DDX51: variants seen among roughly 807,000 people sequenced by gnomAD.
The protein encoded by DDX51 is ATP-dependent RNA helicase DDX51.
Under a neutral mutation model 74.6 loss-of-function variants are expected in DDX51, and 67 were observed. The observed-to-expected ratio is 0.90, with a 90% CI of 0.74 to 1.10. The LOEUF is 1.10. DDX51 is among the 50% of genes least tolerant of loss of function. The pLI, the probability that DDX51 is intolerant of heterozygous loss-of-function variation, is 0.00. For missense variants in DDX51, 1,056 were observed against 905.2 expected (o/e 1.17, Z -2.14); for synonymous variants, 545 against 402.9 (o/e 1.35, Z -4.22).
chr12:132,141,836 C>A lies in DDX51; in HGVS notation c.995+14G>T. ...AGGGACCCCCTGAAAAACCCGCACC[C>A]TGACACAACCTACGTTTTCTGGACG... On this transcript the variant is annotated intron_variant, in intron 6 of 14. Coordinates refer to ENST00000397333, the MANE Select transcript of DDX51 (RefSeq NM_175066.4). 1 of 1,612,356 alleles carries A rather than the reference C, an allele frequency of 6.2e-7. No homozygotes were observed. Among genetic ancestry groups the A allele is most frequent in the Non-Finnish European group, 8.5e-7 (1 of 1,179,812 alleles).
rs1321935647 is a variant in DDX51, at chr12:132,140,333, C to T, written c.1673+90G>A. ...GGCTGGGGCACAGGAAGCCAATTTG[C>T]AGAAGGAAGCACCTTTTAGAGAGCC... On this transcript the variant is annotated intron_variant, in intron 11 of 14. Coordinates refer to ENST00000397333, the MANE Select transcript of DDX51 (RefSeq NM_175066.4). 6 of 1,570,048 alleles carry T rather than the reference C, an allele frequency of 3.8e-6. No individual in the cohort carries two copies. In the Admixed American group the frequency reaches 5.1e-5, roughly 13 times the overall value.
chr12:132,139,119 G>A lies in DDX51; in HGVS notation c.*153C>T, dbSNP rs1435348865. ...GCAGGTGCTTGAGCTCTGACGCCCG[G>A]GCTGCCTGGCGCAGAGACCACGTGC... On this transcript the variant is annotated 3_prime_UTR_variant, in exon 15 of 15. Coordinates refer to ENST00000397333, the MANE Select transcript of DDX51 (RefSeq NM_175066.4). 1 of 1,189,548 alleles carries A rather than the reference G, an allele frequency of 8.4e-7. No individual in the cohort carries two copies. Among genetic ancestry groups the A allele is most frequent in the Admixed American group, 2.3e-5 (1 of 43,766 alleles). 73.7% of individuals were successfully genotyped at this position (1,189,548 alleles called of 1,614,324 possible).
In DDX51 at chr12:132,142,716, G is replaced by C; in HGVS notation, c.670+12C>G. On this transcript the variant is annotated intron_variant, in intron 3 of 14. Transcript: ENST00000397333. ...AGGTGTTCCCTCAGCTGCCTGCCCG[G>C]GGCTGGGGCACCTGGAAAGTAGGAC... 6.2e-7 allele frequency: 1 copy of C among 1,612,154 alleles called. No individual in the cohort carries two copies. Among genetic ancestry groups the C allele is most frequent in the Non-Finnish European group, 8.5e-7 (1 of 1,179,884 alleles).
chr12:132,142,412 A>G lies in DDX51; in HGVS notation c.681T>C (p.Ala227=), dbSNP rs1375628169. The part of the protein sequence containing the change: ...GISSYFPVQA[A]VIPALLESAA... ...CGCTCTCCAGGAGGGCAGGAATCAC[A>G]GCTGCCTGGACTGGATGAGGAAAGG... Residue 227 remains alanine (A), a synonymous_variant, in exon 4 of 15, where the codon GCT becomes GCC. Transcript: ENST00000397333. 1.2e-6 allele frequency: 2 copies of G among 1,612,072 alleles called. No individual in the cohort carries two copies. Among genetic ancestry groups the G allele is most frequent in the Non-Finnish European group, 1.7e-6 (2 of 1,179,982 alleles).
At chr12:132,142,635 G>A in intron 3 of DDX51, 93 bp downstream of exon 3, 2 of 1,546,650 alleles carry the variant, frequency 1.3e-6, no homozygotes, top group Non-Finnish European at 1.7e-6. Context: ...TGGCACCGAT[G>A]TGGCAGGGAC....
Position 132,141,894 on chromosome 12 carries a change from T to C in DDX51, c.951A>G (p.Gly317=). 1.2e-6 allele frequency: 2 copies of C among 1,613,198 alleles called. No individual in the cohort carries two copies. Among genetic ancestry groups the C allele is most frequent in the Non-Finnish European group, 1.7e-6 (2 of 1,180,006 alleles). Residue 317 remains glycine (G), a synonymous_variant, in exon 6 of 15, where the codon GGA becomes GGG. Transcript: ENST00000397333. ...ATPLRVSLVT[G]QKSLAKEQES... ...CCTGCTCCTTGGCCAGAGACTTCTG[T>C]CCCGTAACCAGGGAGACTCTCAGAG... is the stretch of plus-strand genomic sequence containing the variant.
chr12:132,140,370 C>T, intron 11 of DDX51, 53 bp downstream of exon 11: 1 of 1,598,952 alleles, frequency 6.3e-7, no homozygotes, highest in Non-Finnish European at 8.6e-7. Context: ...CAGGCTGACC[C>T]TGGAGTGGGC....
At position 132,141,861 on chromosome 12, in the gene DDX51, G is replaced by C; in HGVS notation, c.984C>G (p.Leu328=). 6.2e-7 allele frequency: 1 copy of C among 1,613,096 alleles called. No individual in the cohort carries two copies. Among genetic ancestry groups the C allele is most frequent in the Non-Finnish European group, 8.5e-7 (1 of 1,179,978 alleles). The change falls in exon 6 of 15, where the codon CTC becomes CTG. Residue 328 remains leucine (L), a synonymous_variant. Transcript: ENST00000397333. ...CTGACACAACCTACGTTTTCTGGAC[G>C]AGGCTCTCCTGCTCCTTGGCCAGAG... ...QKSLAKEQES[L]VQKTADGYRC...
In DDX51 at chr12:132,140,111, T is replaced by C; in HGVS notation, c.1762A>G (p.Thr588Ala). The C allele has an allele frequency of 6.2e-7, 1 of 1,612,636 alleles. No individual in the cohort carries two copies. The highest frequency in any genetic ancestry group is 8.5e-7 in the Non-Finnish European group (1 of 1,179,916). ...GCCAGCGCTCACCGGTGCACGTAGG[T>C]TCTCAGGTACTGGGGGGCGTCGTAG... ...VNYDAPQYLR[T>A]YVHRVGRTAR... Residue 588 changes from threonine to alanine, a missense_variant, in exon 12 of 15, where the codon ACC becomes GCC. By Grantham distance (58) the Thr-to-Ala change is moderately conservative (BLOSUM62 0). Coordinates refer to ENST00000397333, the MANE Select transcript of DDX51 (RefSeq NM_175066.4).
At position 132,143,783 on chromosome 12, in the gene DDX51, G is replaced by A. The variant is rs1897580091; in HGVS notation, c.431C>T (p.Ala144Val). 6.6e-7 allele frequency: 1 copy of A among 1,520,268 alleles called. No homozygotes were observed. Among genetic ancestry groups the A allele is most frequent in the African/African-American group, 1.4e-5 (1 of 70,532 alleles). The allele number at this position is 1,520,268 out of a possible 1,614,324, so 94.2% of individuals were successfully genotyped here. A position where few individuals can be genotyped will look rare whatever the true frequency, so the allele number is the denominator to read the frequency against. Residue 144 changes from alanine (A) to valine (V), a missense_variant, in exon 2 of 15, where the codon GCC (alanine) becomes GTC (valine). Ala to Val is a moderately conservative substitution (Grantham distance 64). Transcript: ENST00000397333. The part of the protein sequence containing the change: ...ERSTSASAEA[A>V]PDGPALEEAA... ...CTCCTCCAGGGCCGGTCCATCTGGG[G>A]CCGCCTCGGCGCTGGCGCTGGTGCT...
intron 14 of DDX51, 96 bp from the exon 15 acceptor site, chr12:132,139,394 G>A (rs539832313): frequency 3.2e-6 from 5 of 1,555,754 alleles, no homozygotes; most frequent in East Asian, 2.3e-5. Flanking sequence ...AGGACAGGAA[G>A]CCCTGTGCAT....
Position 132,140,885 on chromosome 12 carries a change from T to C in DDX51, c.1386A>G (p.Glu462=). The change falls in exon 9 of 15, where the codon GAA becomes GAG. Residue 462 remains glutamate (E), a synonymous_variant. Transcript: ENST00000397333. ...CCGAATCCCCGTCCCCATCTGTATC[T>C]TCCAGGCCCCTGTGTGCTAGCCCTG... ...FSTGLAHRGL[E]DTDGDGDSGK... is the part of the protein sequence containing the mutation. The C allele has an allele frequency of 1.2e-6, 2 of 1,613,512 alleles. No individual in the cohort carries two copies. Among genetic ancestry groups the C allele is most frequent in the Non-Finnish European group, 1.7e-6 (2 of 1,179,958 alleles).
At chr12:132,142,622 A>T in intron 3 of DDX51, 106 bp downstream of exon 3, 1 of 1,526,494 alleles carries the variant, frequency 6.6e-7, no homozygotes, top group Non-Finnish European at 8.8e-7. Flanking sequence ...CTGAGACCAC[A>T]CTTGGCACCG....
At position 132,139,312 on chromosome 12, in the gene DDX51, G is replaced by GGGA. The variant is rs1897359418; in HGVS notation, c.1975-17_1975-15dup. The GGGA allele has an allele frequency of 5.0e-6, 8 of 1,607,282 alleles. No homozygotes were observed. The highest frequency in any genetic ancestry group is 6.8e-6 in the Non-Finnish European group (8 of 1,177,954). On this transcript the variant is annotated splice_polypyrimidine_tract_variant and intron_variant, in intron 14 of 14. Coordinates refer to ENST00000397333, the MANE Select transcript of DDX51 (RefSeq NM_175066.4). ...CTTGCGCTCTTCCTGTGGAGGAAAG[G>GGGA]GGAGGGCTCAGCACCACACACTCTG... is the stretch of plus-strand genomic sequence containing the variant.
In DDX51 at chr12:132,139,248, C is replaced by T. The variant is rs1351610524; in HGVS notation, c.*24G>A. The T allele has an allele frequency of 3.7e-6, 6 of 1,606,044 alleles. No homozygotes were observed. The highest frequency in any genetic ancestry group is 1.1e-5 in the South Asian group (1 of 90,072). On this transcript the variant is annotated 3_prime_UTR_variant, in exon 15 of 15. Coordinates refer to ENST00000397333, the MANE Select transcript of DDX51 (RefSeq NM_175066.4). ...AGGGTCAGGGTGGTGAGCGTTCAGT[C>T]CCTCCGGCCCTCTGAGCCCCAGCCT... is the stretch of plus-strand genomic sequence containing the variant.
At chr12:132,139,994 T>C (rs1897383777) in intron 12 of DDX51, 70 bp from the exon 13 acceptor site, 1 of 1,609,290 alleles carries the variant, frequency 6.2e-7, no homozygotes, top group Non-Finnish European at 8.5e-7. Flanking sequence ...CGACAGCTTC[T>C]CTCCACACCA....
At position 132,139,050 on chromosome 12, in the gene DDX51, C is replaced by T. The variant is rs1030157161; in HGVS notation, c.*222G>A. On this transcript the variant is annotated 3_prime_UTR_variant, in exon 15 of 15. Coordinates refer to ENST00000397333, the MANE Select transcript of DDX51 (RefSeq NM_175066.4). ...GCTTCATTGCCCGCAGCCATCCTGACCTCCACACTCTGAAAGTGACAAGCC... is the reference window on the plus strand; with the variant it reads ...GCTTCATTGCCCGCAGCCATCCTGATCTCCACACTCTGAAAGTGACAAGCC... The T allele has an allele frequency of 3.3e-5, 20 of 612,944 alleles. No individual in the cohort carries two copies. In the East Asian group the frequency reaches 3.9e-4, roughly 12 times the overall value. 38.0% of individuals were successfully genotyped at this position (612,944 alleles called of 1,614,324 possible).
chr12:132,136,598 G>C lies in DDX51; in HGVS notation c.*2674C>G, dbSNP rs1051692679. 1 of 153,666 alleles carries C rather than the reference G, an allele frequency of 6.5e-6. No individual in the cohort carries two copies. The highest frequency in any genetic ancestry group is 2.4e-5 in the African/African-American group (1 of 41,448). The allele number at this position is 153,666 out of a possible 1,614,324, so 9.5% of individuals were successfully genotyped here. A position where few individuals can be genotyped will look rare whatever the true frequency, so the allele number is the denominator to read the frequency against. ...GACACACACACACACAGTGAGTTTG[G>C]AGCAGAAGTTTAATAAGCAAAAAGG... On this transcript the variant is annotated 3_prime_UTR_variant, in exon 15 of 15. Transcript: ENST00000397333.
Position 132,140,166 on chromosome 12 carries a change from G to GA in DDX51, c.1706dup (p.Asp570ArgfsTer54). 6.2e-7 allele frequency: 1 copy of GA among 1,612,796 alleles called. No individual in the cohort carries two copies. Among genetic ancestry groups the GA allele is most frequent in the Non-Finnish European group, 8.5e-7 (1 of 1,179,948 alleles). On this transcript the variant is annotated frameshift_variant, in exon 12 of 15. Transcript: ENST00000397333. LOFTEE classifies it high-confidence loss of function. ...CCACCAGCTCCACACCCTGCACGTC[G>GA]ATGCCTCGCGCGGTGGCGTCCGTGC...
Sources: gnomAD v4.1 joint callset for allele counts on GRCh38, gnomAD v4.1.1 for gene constraint, MANE v1.5 for transcripts, NCBI Gene and HGNC (gene_info 2026-07-23, HGNC 2026-07-21) for gene names.